NPSR1: variants seen among roughly 807,000 people sequenced by gnomAD.
The protein encoded by NPSR1 is neuropeptide S receptor 1, also known as neuropeptide S receptor.
NPSR1 carries 48 observed loss-of-function variants against 46.9 expected under a neutral mutation model. The observed-to-expected ratio is 1.02, with a 90% CI of 0.81 to 1.30. The LOEUF is 1.30. Among genes scored for constraint, NPSR1 ranks in the 50% most tolerant of loss-of-function variants. The probability of loss-of-function intolerance (pLI) is 0.00; values close to 1 mark genes in which losing one functional copy is unlikely to be tolerated. For missense variants in NPSR1, 450 were observed against 449.5 expected, an observed-to-expected ratio of 1.00 and a Z score of -0.01; for synonymous variants, 176 against 168.1, an observed-to-expected ratio of 1.05 and a Z score of -0.36.
At chr7:34,694,100 T>C (rs1254225397) in intron 2 of NPSR1, among the ~76,000 whole-genome samples, 2 of 152,124 alleles carry the variant, frequency 1.3e-5, no homozygotes, top group Admixed American at 1.3e-4. Context: ...ACAATGAGGA[T>C]GTCCACATTC....
chr7:34,692,878 C>A (rs1293326458), intron 2 of NPSR1, among the ~76,000 whole-genome samples: 1 of 152,128 alleles, frequency 6.6e-6, no homozygotes, highest in Non-Finnish European at 1.5e-5. Flanking sequence ...AGATGATTGA[C>A]ATAGTTTGGA....
rs552846868 is a variant in NPSR1, at chr7:34,713,884, A to G, written c.280+29200A>G. Among the ~76,000 whole-genome samples the G allele has an allele frequency of 4.6e-5, 7 of 152,390 alleles. No individual in the cohort carries two copies. The South Asian group carries it at 1.0e-3, about 23-fold the overall frequency. On this transcript the variant is annotated intron_variant, in intron 2 of 8. Coordinates refer to ENST00000360581, the MANE Select transcript of NPSR1 (RefSeq NM_207172.2). ...GGCGCCACGTCCACTGGACACATTC[A>G]GGGAACATCATTCACATGAACATGT... is the stretch of plus-strand genomic sequence containing the variant.
rs369489232 is a variant in NPSR1, at chr7:34,743,527, G to A, written c.281-34935G>A. On this transcript the variant is annotated intron_variant, in intron 2 of 8. Transcript: ENST00000360581. ...ATGATCTTGGCGCACTGCAACCTCCGCCTCCTGGGTTCAAGCAATTCTCTG... is the reference window on the plus strand; with the variant it reads ...ATGATCTTGGCGCACTGCAACCTCCACCTCCTGGGTTCAAGCAATTCTCTG... Among the ~76,000 whole-genome samples, 22 of 151,330 alleles carry A rather than the reference G, an allele frequency of 1.5e-4. No individual in the cohort carries two copies. In the East Asian group the frequency reaches 2.1e-3, roughly 15 times the overall value.
intron 1 of NPSR1, among the ~76,000 whole-genome samples, chr7:34,670,899 G>T (rs1446777208): frequency 6.6e-6 from 1 of 151,960 alleles, no homozygotes; most frequent in Non-Finnish European, 1.5e-5. Context: ...GAGTAAATCA[G>T]AACAACTTAA....
At chr7:34,659,504 A>T (rs1348902267) in intron 1 of NPSR1, among the ~76,000 whole-genome samples, 2 of 152,212 alleles carry the variant, frequency 1.3e-5, no homozygotes, top group Non-Finnish European at 2.9e-5. Context: ...AGATAGCATT[A>T]CTGTAACATC....
intron 2 of NPSR1, among the ~76,000 whole-genome samples, chr7:34,762,444 C>A (rs1786222918): frequency 6.6e-6 from 1 of 152,108 alleles, no homozygotes; most frequent in South Asian, 2.1e-4. Flanking sequence ...TGGCTAAGTA[C>A]CTGACATCAG....
rs538455946 is a variant in NPSR1 at position 34,687,157 on chromosome 7, C to T, written c.280+2473C>T. ...CAACTTCCAAAAAACAAGTATCAGG[C>T]TTTTTTTTTTTTTAACAAAGGAAGT... On this transcript the variant is annotated intron_variant, in intron 2 of 8. Coordinates refer to ENST00000360581, the MANE Select transcript of NPSR1 (RefSeq NM_207172.2). Among the ~76,000 whole-genome samples, 9 of 141,558 alleles carry T rather than the reference C, an allele frequency of 6.4e-5. No homozygotes were observed. In the Admixed American group the frequency reaches 6.4e-4, roughly 10 times the overall value. 92.9% of individuals were successfully genotyped at this position (141,558 alleles called of 152,430 possible).
intron 3 of NPSR1, among the ~76,000 whole-genome samples, chr7:34,804,389 A>G (rs1788584408): frequency 6.6e-6 from 1 of 152,102 alleles, no homozygotes; most frequent in African/African-American, 2.4e-5. Context: ...CAATTAATAT[A>G]ATCTATCACA....
rs538339957 is a variant in NPSR1, at chr7:34,842,949, G to A, written c.758-1947G>A. On this transcript the variant is annotated intron_variant, in intron 6 of 8. Coordinates refer to ENST00000360581, the MANE Select transcript of NPSR1 (RefSeq NM_207172.2). ...CAATATGACTCACTGTGGTTAAAAC[G>A]CATCCTACATTTTCTTGTTCCATGT... Among the ~76,000 whole-genome samples the A allele has an allele frequency of 7.7e-4, 117 of 152,268 alleles. 5 individuals are homozygous for A. The highest frequency in any genetic ancestry group is 2.7e-3 in the Admixed American group (41 of 15,298).
At chr7:34,796,499 G>A (rs553965554) in intron 3 of NPSR1, among the ~76,000 whole-genome samples, 30 of 152,172 alleles carry the variant, frequency 2.0e-4, no homozygotes, top group Admixed American at 7.9e-4. Context: ...TGAACAATCT[G>A]ATTTTAAAAT....
chr7:34,730,516 GGC>G (rs1203807436), intron 2 of NPSR1, among the ~76,000 whole-genome samples: 1 of 152,178 alleles, frequency 6.6e-6, no homozygotes, highest in East Asian at 1.9e-4. Flanking sequence ...AAAGCAGGAA[GGC>G]TCTCAATGGT....
At chr7:34,850,878 G>A (rs768924559), downstream of NPSR1, among the ~76,000 whole-genome samples, 19 of 152,112 alleles carry the variant, frequency 1.2e-4, no homozygotes, top group Admixed American at 5.9e-4. Flanking sequence ...GATCTTTATC[G>A]TTTTTGCCTG....
At chr7:34,705,147 T>C (rs1383980558) in intron 2 of NPSR1, among the ~76,000 whole-genome samples, 1 of 152,120 alleles carries the variant, frequency 6.6e-6, no homozygotes, top group African/African-American at 2.4e-5. Flanking sequence ...ACACTTTTGG[T>C]TGGACGTGGT....
At chr7:34,687,672 C>T (rs1793006458) in intron 2 of NPSR1, among the ~76,000 whole-genome samples, 1 of 152,172 alleles carries the variant, frequency 6.6e-6, no homozygotes, top group Non-Finnish European at 1.5e-5. Flanking sequence ...TATTACAATT[C>T]AAGGTGAGTT....
At chr7:34,785,783 A>G (rs1395592977) in intron 3 of NPSR1, among the ~76,000 whole-genome samples, 2 of 152,190 alleles carry the variant, frequency 1.3e-5, no homozygotes, top group Non-Finnish European at 2.9e-5. Flanking sequence ...TTTGTTTCCC[A>G]GTACATATAA....
At chr7:34,819,088 GA>G (rs1476046003) in intron 4 of NPSR1, among the ~76,000 whole-genome samples, 1 of 152,164 alleles carries the variant, frequency 6.6e-6, no homozygotes, top group Non-Finnish European at 1.5e-5. Flanking sequence ...TTAAACTAAA[GA>G]GCTTCTGCAC....
At chr7:34,743,443 TTC>T (rs944919611) in intron 2 of NPSR1, among the ~76,000 whole-genome samples, 3 of 147,276 alleles carry the variant, frequency 2.0e-5, no homozygotes, top group African/African-American at 7.4e-5. Context: ...TCTCTCTGTC[TTC>T]TTTTTTTTTT....
chr7:34,693,822 C>A (rs1477526886), intron 2 of NPSR1, among the ~76,000 whole-genome samples: 1 of 152,080 alleles, frequency 6.6e-6, no homozygotes, highest in Non-Finnish European at 1.5e-5. Flanking sequence ...AGTTTTATTC[C>A]ATGGATGCAA....
intron 2 of NPSR1, among the ~76,000 whole-genome samples, chr7:34,763,025 G>T (rs1434179794): frequency 6.6e-6 from 1 of 152,176 alleles, no homozygotes; most frequent in Non-Finnish European, 1.5e-5. Context: ...CTACACTAGT[G>T]ACCTTTGTGT....
Sources: allele counts gnomAD v4.1 joint callset (sites outside exome capture counted in the v4.1 genomes callset), GRCh38; gene constraint gnomAD v4.1.1; transcripts MANE v1.5; gene names NCBI Gene and HGNC (gene_info 2026-07-23, HGNC 2026-07-21).